Variants in ARV1 observed in about 807,000 individuals in gnomAD.
ARV1 encodes protein ARV1.
A neutral mutation model predicts 31.1 loss-of-function variants in ARV1; 26 were observed. The ratio of observed to expected loss-of-function variants is 0.84; its 90% CI spans 0.61 to 1.16. ARV1 has a LOEUF of 1.16. ARV1 is among the 50% of genes most tolerant of loss of function. The pLI, the probability that ARV1 is intolerant of heterozygous loss-of-function variation, is 0.00. For missense variants in ARV1, 281 were observed against 324.9 expected (o/e 0.86, Z 1.04); for synonymous variants, 117 against 123.2 (o/e 0.95, Z 0.34).
At chr1:230,981,622 C>T (rs1678911102) in intron 1 of ARV1, among the ~76,000 whole-genome samples, 1 of 152,202 alleles carries the variant, frequency 6.6e-6, no homozygotes, top group African/African-American at 2.4e-5. Context: ...CCTACATCAT[C>T]CTTGTACCTC....
chr1:230,981,765 T>C (rs1046138723), intron 1 of ARV1, among the ~76,000 whole-genome samples: 1 of 152,154 alleles, frequency 6.6e-6, no homozygotes, highest in Non-Finnish European at 1.5e-5. Context: ...TGAACTGGCT[T>C]ATAAGGCCCT....
At chr1:230,981,087 A>C (rs1031899273) in intron 1 of ARV1, among the ~76,000 whole-genome samples, 1 of 151,892 alleles carries the variant, frequency 6.6e-6, no homozygotes, top group African/African-American at 2.4e-5. Flanking sequence ...TGCTCTTCTT[A>C]TTGTCTTCTT....
intron 1 of ARV1, among the ~76,000 whole-genome samples, chr1:230,987,474 G>A (rs781610914): frequency 5.3e-5 from 8 of 152,124 alleles, no homozygotes; most frequent in Non-Finnish European, 8.8e-5. Flanking sequence ...GTATACCTGC[G>A]TTTTTTATGT....
In ARV1 at chr1:230,995,796, T is replaced by A. The variant is rs373754574; in HGVS notation, c.485T>A (p.Leu162Gln). The A allele has an allele frequency of 1.2e-6, 2 of 1,614,082 alleles. No individual in the cohort carries two copies. The highest frequency in any genetic ancestry group is 1.7e-6 in the Non-Finnish European group (2 of 1,179,988). Residue 162 changes from leucine to glutamine, a missense_variant, in exon 4 of 6, where the codon CTG becomes CAG. Physicochemically the swap from Leu to Gln is moderately radical, Grantham distance 113 (BLOSUM62 -2). Transcript: ENST00000310256. The part of the protein sequence containing the change: ...TAYFIGIFTF[L>Q]WVERPMTAKK... ...TATTTTATTGGCATTTTTACCTTCC[T>A]GTGGGTAGAACGGCCCATGACGGCA...
chr1:230,988,910 A>C (rs754597778), intron 2 of ARV1, among the ~76,000 whole-genome samples: 20 of 152,224 alleles, frequency 1.3e-4, no homozygotes, highest in Non-Finnish European at 2.4e-4. Context: ...TATAAAGTTG[A>C]ATTTTTCAAA....
At chr1:230,979,465 G>A (rs7417590) in intron 1 of ARV1, 186 bp downstream of exon 1, 65,211 of 651,436 alleles carry the variant, frequency 0.1, 3,574 homozygotes, top group South Asian at 0.15. Context: ...TCATACTGGG[G>A]CATATTTGGG....
In ARV1 at chr1:230,979,112, A is replaced by C. The variant is rs1678727639; in HGVS notation, c.7A>C (p.Asn3His). The C allele has an allele frequency of 6.3e-7, 1 of 1,587,720 alleles. No individual in the cohort carries two copies. The highest frequency in any genetic ancestry group is 8.6e-7 in the Non-Finnish European group (1 of 1,169,164). The change falls in exon 1 of 6, where the codon AAC (asparagine) becomes CAC (histidine). Residue 3 changes from asparagine to histidine, a missense_variant. Physicochemically the swap from Asn to His is moderately conservative, Grantham distance 68. Coordinates refer to ENST00000310256, the MANE Select transcript of ARV1 (RefSeq NM_022786.3). ...GGACTGCAGTTGAGTGGAAATGGGC[A>C]ACGGCGGGCGGAGCGGCCTGCAGCA... The part of the protein sequence containing the change: MG[N>H]GGRSGLQQGK...
chr1:230,990,045 A>G, intron 2 of ARV1, 65 bp from the exon 3 acceptor site: 1 of 1,482,026 alleles, frequency 6.7e-7, no homozygotes, highest in Non-Finnish European at 9.1e-7. Flanking sequence ...AATACTCTGT[A>G]CCTGTTGATA....
At chr1:230,983,891 A>G (rs907035154) in intron 1 of ARV1, among the ~76,000 whole-genome samples, 71 of 152,202 alleles carry the variant, frequency 4.7e-4, no homozygotes, top group African/African-American at 1.6e-3. Flanking sequence ...ATACTTGCCT[A>G]TAAAGTAGTA....
intron 1 of ARV1, among the ~76,000 whole-genome samples, chr1:230,987,120 TGAACCACAA>T (rs1572337711): frequency 6.6e-6 from 1 of 152,128 alleles, no homozygotes; most frequent in African/African-American, 2.4e-5. Context: ...AAGGGTGACT[TGAACCACAA>T]GCACTGCAGT....
chr1:230,984,441 G>C (rs1392904499), intron 1 of ARV1, among the ~76,000 whole-genome samples: 1 of 150,928 alleles, frequency 6.6e-6, no homozygotes, highest in Non-Finnish European at 1.5e-5. Flanking sequence ...CAGAGGGAAA[G>C]GAAGTTGCAA....
intron 1 of ARV1, among the ~76,000 whole-genome samples, chr1:230,984,136 A>G (rs1237245622): frequency 2.0e-5 from 3 of 152,242 alleles, no homozygotes; most frequent in South Asian, 2.1e-4. Context: ...TGTAGCCCCA[A>G]CTACTCAGGA....
At chr1:230,996,074 G>T in intron 4 of ARV1, 90 bp downstream of exon 4, 1 of 997,896 alleles carries the variant, frequency 1.0e-6, no homozygotes, top group South Asian at 1.5e-5. Flanking sequence ...TATATAACCT[G>T]TTGAACACTG....
intron 4 of ARV1, among the ~76,000 whole-genome samples, chr1:230,996,834 C>T (rs776415993): frequency 5.9e-5 from 9 of 152,028 alleles, no homozygotes; most frequent in Admixed American, 1.3e-4. Context: ...TTGTTGTTGT[C>T]GTTATTCTCT....
At chr1:230,982,789 C>T (rs560636580) in intron 1 of ARV1, among the ~76,000 whole-genome samples, 1 of 152,116 alleles carries the variant, frequency 6.6e-6, no homozygotes, top group South Asian at 2.1e-4. Context: ...TTTTAAAGGC[C>T]CTCCAACCTC....
chr1:230,989,803 C>G (rs2103050256), intron 2 of ARV1, among the ~76,000 whole-genome samples: 1 of 152,266 alleles, frequency 6.6e-6, no homozygotes, highest in African/African-American at 2.4e-5. Flanking sequence ...TGATTCTTAA[C>G]TAGGGGTGCA....
intron 5 of ARV1, among the ~76,000 whole-genome samples, chr1:230,998,810 C>T (rs771102923): frequency 1.3e-5 from 2 of 151,958 alleles, no homozygotes; most frequent in African/African-American, 2.4e-5. Context: ...ACTCAGGAAG[C>T]TGAGGTAGGA....
At chr1:230,993,426 T>C (rs773690907) in intron 3 of ARV1, among the ~76,000 whole-genome samples, 3 of 152,222 alleles carry the variant, frequency 2.0e-5, no homozygotes, top group Admixed American at 1.3e-4. Flanking sequence ...TAAACTGTTA[T>C]ATGTCCATAT....
intron 2 of ARV1, among the ~76,000 whole-genome samples, chr1:230,989,334 G>A (rs923379960): frequency 2.0e-5 from 3 of 151,950 alleles, no homozygotes; most frequent in Non-Finnish European, 4.4e-5. Context: ...GATGAGGTTC[G>A]CCATGTTGAC....
Sources: gnomAD v4.1 joint callset for allele counts (sites outside exome capture counted in the v4.1 genomes callset) on GRCh38, gnomAD v4.1.1 for gene constraint, MANE v1.5 for transcripts, NCBI Gene and HGNC (gene_info 2026-07-23, HGNC 2026-07-21) for gene names.